Variants in OPCML observed in about 807,000 individuals in gnomAD.
The protein encoded by OPCML is opioid-binding protein/cell adhesion molecule.
Under a neutral mutation model 37.8 loss-of-function variants are expected in OPCML, and 13 were observed. That is an observed-to-expected ratio of 0.34 (90% CI 0.22 to 0.55). The LOEUF (loss-of-function observed/expected upper bound fraction) is 0.55, where lower values mean the gene tolerates loss of function less well. Ranked by LOEUF, OPCML falls within the 20% of genes least tolerant of loss-of-function variation. OPCML has a pLI of 0.91. For missense variants in OPCML, 341 were observed against 435.6 expected, an observed-to-expected ratio of 0.78 and a Z score of 1.93; for synonymous variants, 176 against 168.8, an observed-to-expected ratio of 1.04 and a Z score of -0.33.
chr11:132,816,062 G>C (rs1182927036), intron 2 of OPCML, among the ~76,000 whole-genome samples: 1 of 152,206 alleles, frequency 6.6e-6, no homozygotes, highest in Non-Finnish European at 1.5e-5. Flanking sequence ...GGGCAAGTTG[G>C]AGTCTTGAGG....
At chr11:132,950,963 C>T (rs1052949222) in intron 1 of OPCML, among the ~76,000 whole-genome samples, 1 of 152,152 alleles carries the variant, frequency 6.6e-6, no homozygotes, top group African/African-American at 2.4e-5. Flanking sequence ...GGTTTAAGAC[C>T]TCGGCCTGTT....
intron 3 of OPCML, among the ~76,000 whole-genome samples, chr11:132,619,710 G>T (rs1016179385): frequency 6.6e-6 from 1 of 151,230 alleles, no homozygotes; most frequent in Admixed American, 6.6e-5. Context: ...AAATTAGCCG[G>T]GCGTGGTGGC....
chr11:133,434,796 ATG>A (rs1194310261), intron 1 of OPCML, among the ~76,000 whole-genome samples: 70 of 119,084 alleles, frequency 5.9e-4, no homozygotes, highest in East Asian at 5.5e-3. Context: ...AATTATATAT[ATG>A]TATATATATA....
At chr11:132,579,385 ATGTGTGTG>A (rs66467384) in intron 3 of OPCML, among the ~76,000 whole-genome samples, 1 of 146,530 alleles carries the variant, frequency 6.8e-6, no homozygotes, top group Non-Finnish European at 1.5e-5. Context: ...TAGAATGAAT[ATGTGTGTG>A]TGTGTGTGTG....
At chr11:132,487,584 T>C (rs1351418358) in intron 4 of OPCML, among the ~76,000 whole-genome samples, 1 of 152,166 alleles carries the variant, frequency 6.6e-6, no homozygotes, top group East Asian at 1.9e-4. Flanking sequence ...ATGCTTCCCT[T>C]AGTAGACTCT....
intron 2 of OPCML, among the ~76,000 whole-genome samples, chr11:132,791,929 T>C (rs1345628491): frequency 6.6e-6 from 1 of 152,096 alleles, no homozygotes; most frequent in African/African-American, 2.4e-5. Context: ...TGGTGATTAG[T>C]ACAAGGACTA....
At position 132,420,148 on chromosome 11, in the gene OPCML, T is replaced by C. The variant is rs2095952731; in HGVS notation, c.*45A>G. 2.6e-6 allele frequency: 4 copies of C among 1,552,828 alleles called. No homozygotes were observed. The highest frequency in any genetic ancestry group is 3.6e-6 in the Non-Finnish European group (4 of 1,125,382). ...TCTCCGCAGTGTAGATTAAAGTCTGTGATATGGAGAAGCAGGCGTTGCTCA... is the reference window on the plus strand; with the variant it reads ...TCTCCGCAGTGTAGATTAAAGTCTGCGATATGGAGAAGCAGGCGTTGCTCA... On this transcript the variant is annotated 3_prime_UTR_variant, in exon 8 of 8. Transcript: ENST00000524381.
At chr11:133,411,435 A>G (rs991793885) in intron 1 of OPCML, among the ~76,000 whole-genome samples, 1 of 152,160 alleles carries the variant, frequency 6.6e-6, no homozygotes, top group African/African-American at 2.4e-5. Context: ...GGCCAGGCCC[A>G]GGGAGGAAGG....
intron 2 of OPCML, among the ~76,000 whole-genome samples, chr11:132,870,968 C>G (rs184790163): frequency 6.6e-6 from 1 of 152,164 alleles, no homozygotes; most frequent in East Asian, 1.9e-4. Context: ...AGAACATATT[C>G]AAGAGATTCA....
chr11:133,329,186 A>T (rs1224234467), intron 1 of OPCML, among the ~76,000 whole-genome samples: 1 of 152,218 alleles, frequency 6.6e-6, no homozygotes, highest in Non-Finnish European at 1.5e-5. Flanking sequence ...ATAAAAGAGG[A>T]TACAAACAAA....
intron 1 of OPCML, among the ~76,000 whole-genome samples, chr11:133,508,119 G>A (rs1339963686): frequency 1.3e-5 from 2 of 152,154 alleles, no homozygotes; most frequent in African/African-American, 2.4e-5. Context: ...CCTGAGTGTC[G>A]TGGTTGTTTG....
intron 1 of OPCML, chr11:133,065,197 C>T (rs531101178): frequency 6.6e-6 from 1 of 152,518 alleles, no homozygotes; most frequent in Admixed American, 6.5e-5. Flanking sequence ...TGTGCTGAGC[C>T]TGGGCTGGGC....
chr11:133,018,170 GGTT>G (rs569639314), intron 1 of OPCML, among the ~76,000 whole-genome samples: 205 of 152,210 alleles, frequency 1.3e-3, no homozygotes, highest in Non-Finnish European at 1.8e-3. Context: ...TGATAGCTAG[GGTT>G]GTTACTTTCC....
chr11:133,529,145 A>T (rs1948549348), intron 1 of OPCML, among the ~76,000 whole-genome samples: 1 of 152,250 alleles, frequency 6.6e-6, no homozygotes, highest in African/African-American at 2.4e-5. Context: ...ACTGTAGGCC[A>T]TGGTCACAGG....
At chr11:133,492,301 T>C (rs1947681176) in intron 1 of OPCML, among the ~76,000 whole-genome samples, 1 of 152,210 alleles carries the variant, frequency 6.6e-6, no homozygotes, top group Non-Finnish European at 1.5e-5. Context: ...AACATGTGTT[T>C]CCTACTGAAT....
chr11:133,422,946 A>C (rs1945922189), intron 1 of OPCML: 1 of 985,246 alleles, frequency 1.0e-6, no homozygotes, highest in African/African-American at 1.7e-5. Context: ...CTAGAACAAA[A>C]TGCTCTGATG....
At chr11:133,115,065 C>T (rs1949311402) in intron 1 of OPCML, among the ~76,000 whole-genome samples, 2 of 152,128 alleles carry the variant, frequency 1.3e-5, no homozygotes, top group South Asian at 4.1e-4. Context: ...ATTATTTGTA[C>T]CATTGAGTGG....
chr11:132,652,070 G>A (rs1248528932), intron 3 of OPCML, among the ~76,000 whole-genome samples: 1 of 152,186 alleles, frequency 6.6e-6, no homozygotes, highest in Non-Finnish European at 1.5e-5. Context: ...TCAGAGTGCT[G>A]AAGAGCTCAT....
In OPCML at chr11:133,532,329, A is replaced by G. The variant is rs750726085; in HGVS notation, c.-5T>C. On this transcript the variant is annotated 5_prime_UTR_variant, in exon 1 of 8. Coordinates refer to ENST00000524381, the MANE Select transcript of OPCML (RefSeq NM_001012393.5). ...CCAGTAGGCAGGATGGTACATCTCG[A>G]CGCTGCGGTGCTCTCAGCTGCCGGG... 1 of 1,613,036 alleles carries G rather than the reference A, an allele frequency of 6.2e-7. No individual in the cohort carries two copies. The highest frequency in any genetic ancestry group is 8.5e-7 in the Non-Finnish European group (1 of 1,179,604).
Sources: allele counts gnomAD v4.1 joint callset (sites outside exome capture counted in the v4.1 genomes callset), GRCh38; gene constraint gnomAD v4.1.1; transcripts MANE v1.5; gene names NCBI Gene and HGNC (gene_info 2026-07-23, HGNC 2026-07-21).